Variants in CD8A observed in about 807,000 individuals in gnomAD.
CD8A encodes the protein T-cell surface glycoprotein CD8 alpha chain.
CD8A carries 25 observed loss-of-function variants against 24.2 expected under a neutral mutation model. The ratio of observed to expected loss-of-function variants is 1.03; its 90% CI spans 0.75 to 1.44. CD8A has a LOEUF of 1.44. Among genes scored for constraint, CD8A ranks in the 40% most tolerant of loss-of-function variants. The pLI is 0.00. For missense variants in CD8A, 360 were observed against 319.7 expected, an observed-to-expected ratio of 1.13 and a Z score of -0.96; for synonymous variants, 165 against 149.9, an observed-to-expected ratio of 1.10 and a Z score of -0.74.
rs1673255983 is a variant in CD8A, at chr2:86,790,693, A to G, written c.50-12T>C. ...CGGCCTGGCGGCGTCTGCAGGCGGCAAGCAGCGAGGCTGAGCCCGCAGTCC... is the reference window on the plus strand; with the variant it reads ...CGGCCTGGCGGCGTCTGCAGGCGGCGAGCAGCGAGGCTGAGCCCGCAGTCC... On this transcript the variant is annotated splice_polypyrimidine_tract_variant and intron_variant, in intron 1 of 5. Coordinates refer to ENST00000283635, the MANE Select transcript of CD8A (RefSeq NM_001768.7). 6.3e-7 allele frequency: 1 copy of G among 1,594,010 alleles called. No homozygotes were observed. The highest frequency in any genetic ancestry group is 1.7e-5 in the Admixed American group (1 of 59,586).
intron 5 of CD8A, 70 bp downstream of exon 5, chr2:86,788,460 C>T: frequency 7.9e-7 from 1 of 1,272,232 alleles, no homozygotes; most frequent in Non-Finnish European, 1.1e-6. Context: ...CCACTATTTG[C>T]TGCTGGGGAA....
chr2:86,791,391 ACCCT>A (rs3842490), upstream of CD8A: 223 of 398,414 alleles, frequency 5.6e-4, 2 homozygotes, highest in East Asian at 0.015. Flanking sequence ...CCGAGGAAGG[ACCCT>A]CTCCCTTCCC....
upstream of CD8A, among the ~76,000 whole-genome samples, chr2:86,795,125 A>G (rs1305133290): frequency 1.3e-5 from 2 of 152,116 alleles, no homozygotes; most frequent in East Asian, 1.9e-4. Context: ...CAGCTTGACA[A>G]CCAAACCCTT....
Position 86,790,672 on chromosome 2 carries a change from C to T in CD8A, c.59G>A (p.Arg20Lys). Residue 20 changes from arginine to lysine, a missense_variant, in exon 2 of 6, where the codon AGG (arginine) becomes AAG (lysine). Transcript: ENST00000283635. ...CGGCGACACCCGGAACTGGCTCGGC[C>T]TGGCGGCGTCTGCAGGCGGCAAGCA... Reference protein sequence around the residue: ...LPLALLLHAARPSQFRVSPLD... With the variant: ...LPLALLLHAAKPSQFRVSPLD... The T allele has an allele frequency of 6.3e-7, 1 of 1,597,330 alleles. No homozygotes were observed.
In CD8A at chr2:86,788,543, AAACACGTCT is replaced by A. The variant is rs1187265908; in HGVS notation, c.634_642del (p.Arg212_Val214del). The A allele has an allele frequency of 1.2e-6, 2 of 1,613,554 alleles. No homozygotes were observed. The highest frequency in any genetic ancestry group is 1.7e-6 in the Non-Finnish European group (2 of 1,179,696). On this transcript the variant is annotated inframe_deletion, in exon 5 of 6. Transcript: ENST00000283635. ...AAAGAGACTCACCGGGGACATTTGC[AAACACGTCT>A]TCGGTTCCCTGGATAAGGAAAAAGA...
In CD8A at chr2:86,800,445, G is replaced by GAAA. The variant is rs753432338; in HGVS notation, c.-271+1063_-271+1065dup. Among the ~76,000 whole-genome samples, 31 of 80,698 alleles carry GAAA rather than the reference G, an allele frequency of 3.8e-4. 1 individual carries two copies. The highest frequency in any genetic ancestry group is 1.4e-3 in the African/African-American group (31 of 21,570). 52.9% of individuals were successfully genotyped at this position (80,698 alleles called of 152,430 possible). ...CCACTGCACTCCAGCCTGGGCGACA[G>GAAA]AAAAAAAAAAAAAGAAAGAAAAAAA... On this transcript the variant is annotated intron_variant, in intron 3 of 8. Transcript: ENST00000409511.
At chr2:86,794,245 C>G (rs776119552), upstream of CD8A, among the ~76,000 whole-genome samples, 1 of 152,146 alleles carries the variant, frequency 6.6e-6, no homozygotes, top group Non-Finnish European at 1.5e-5. Context: ...AGATAGTAAC[C>G]AGTTTCTATG....
intron 4 of CD8A, among the ~76,000 whole-genome samples, chr2:86,789,045 T>C (rs1201434863): frequency 1.3e-5 from 2 of 152,128 alleles, no homozygotes; most frequent in Admixed American, 6.5e-5. Context: ...TGTCCAGACA[T>C]GTGCGCGCGC....
intron 5 of CD8A, 88 bp downstream of exon 5, chr2:86,788,442 A>C: frequency 1.8e-6 from 2 of 1,086,140 alleles, no homozygotes; most frequent in Admixed American, 1.9e-5. Flanking sequence ...TCTCTCTGGG[A>C]AAAGTTCCCA....
At position 86,785,686 on chromosome 2, in the gene CD8A, G is replaced by A. The variant is rs1181972446; in HGVS notation, c.*234C>T. 5.8e-6 allele frequency: 4 copies of A among 689,038 alleles called. No individual in the cohort carries two copies. The highest frequency in any genetic ancestry group is 1.1e-5 in the Non-Finnish European group (4 of 376,948). 42.7% of individuals were successfully genotyped at this position (689,038 alleles called of 1,614,324 possible). On this transcript the variant is annotated 3_prime_UTR_variant, in exon 6 of 6. Coordinates refer to ENST00000283635, the MANE Select transcript of CD8A (RefSeq NM_001768.7). The stretch of plus-strand genomic sequence containing the variant: ...GGCCTGCCCCTTTCCACGCCCTACC[G>A]CGATGTGCGCACAACAGTATTGTGA...
At chr2:86,787,036 A>AAAAAAAAG (rs1375316030) in intron 5 of CD8A, among the ~76,000 whole-genome samples, 37 of 141,124 alleles carry the variant, frequency 2.6e-4, no homozygotes, top group Non-Finnish European at 4.9e-4. Flanking sequence ...AAAAAAAAAA[A>AAAAAAAAG]AAAAGAAAAG....
At position 86,785,841 on chromosome 2, in the gene CD8A, GA is replaced by G; in HGVS notation, c.*78del. ...AATGAATACACAGGGAGGAAGACTG[GA>G]AAAAATGAAAGGGAAGGACTTGCTC... On this transcript the variant is annotated 3_prime_UTR_variant, in exon 6 of 6. Coordinates refer to ENST00000283635, the MANE Select transcript of CD8A (RefSeq NM_001768.7). The G allele has an allele frequency of 3.8e-6, 4 of 1,049,092 alleles. No individual in the cohort carries two copies. The highest frequency in any genetic ancestry group is 2.4e-5 in the East Asian group (1 of 42,370). 65.0% of individuals were successfully genotyped at this position (1,049,092 alleles called of 1,614,324 possible). A position where few individuals can be genotyped will look rare whatever the true frequency, so the allele number is the denominator to read the frequency against.
At chr2:86,789,260 G>C in intron 4 of CD8A, 63 bp downstream of exon 4, 3 of 1,087,358 alleles carry the variant, frequency 2.8e-6, no homozygotes, top group Non-Finnish European at 4.3e-6. Context: ...TCCGCCTGGA[G>C]CTAGCAGAGC....
In CD8A at chr2:86,789,660, C is replaced by G. The variant is rs924437954; in HGVS notation, c.494G>C (p.Arg165Pro). ...QPLSLRPEAC[R>P]PAAGGAVHTR... Reference sequence around the variant, plus strand: ...CTCACCTGCGCCCCCCGCCGCTGGCCGGCACGCCTCTGGGCGCAGGGACAG... The same window carrying G: ...CTCACCTGCGCCCCCCGCCGCTGGCGGGCACGCCTCTGGGCGCAGGGACAG... The change falls in exon 3 of 6, where the codon CGG becomes CCG. Residue 165 changes from arginine to proline, a missense_variant. By Grantham distance (103) the Arg-to-Pro change is moderately radical. Transcript: ENST00000283635. The G allele has an allele frequency of 6.1e-6, 9 of 1,482,346 alleles. No homozygotes were observed. The highest frequency in any genetic ancestry group is 3.6e-4 in the Middle Eastern group (2 of 5,534). 91.8% of individuals were successfully genotyped at this position (1,482,346 alleles called of 1,614,324 possible).
At chr2:86,789,903 C>G (rs1409791914) in intron 2 of CD8A, among the ~76,000 whole-genome samples, 153 bp from the exon 3 acceptor site, 1 of 152,196 alleles carries the variant, frequency 6.6e-6, no homozygotes, top group African/African-American at 2.4e-5. Flanking sequence ...CCCCGGGATG[C>G]GCGCGGACCC....
Position 86,785,578 on chromosome 2 carries a change from T to C in CD8A, c.*342A>G, listed in dbSNP as rs1489473715. On this transcript the variant is annotated 3_prime_UTR_variant, in exon 6 of 6. Coordinates refer to ENST00000283635, the MANE Select transcript of CD8A (RefSeq NM_001768.7). ...CTCTGGGCTTTAGCCTCCCCCTTTG[T>C]AAAACGGGCGGGGAAGAGGTTGAGA... is the stretch of plus-strand genomic sequence containing the variant. The C allele has an allele frequency of 3.8e-6, 2 of 526,204 alleles. No homozygotes were observed. Among genetic ancestry groups the C allele is most frequent in the Admixed American group, 4.5e-5 (2 of 44,634 alleles). The allele number at this position is 526,204 out of a possible 1,614,324, so 32.6% of individuals were successfully genotyped here.
At chr2:86,807,626 G>A (rs1410090734) in exon 2 of CD8A, 1 of 152,556 alleles carries the variant, frequency 6.6e-6, no homozygotes, top group South Asian at 2.1e-4. Context: ...GAGGACAGAT[G>A]AGGGAACACG....
intron 2 of CD8A, among the ~76,000 whole-genome samples, chr2:86,804,915 A>G (rs1413448092): frequency 7.0e-6 from 1 of 142,194 alleles, no homozygotes; most frequent in Non-Finnish European, 1.5e-5. Flanking sequence ...TGATTTTCCT[A>G]CTTCAGCTTC....
At chr2:86,805,377 C>G (rs936790817) in intron 2 of CD8A, among the ~76,000 whole-genome samples, 6 of 152,100 alleles carry the variant, frequency 3.9e-5, no homozygotes, top group Admixed American at 3.9e-4. Flanking sequence ...ATGACTGATT[C>G]GAAAGATGTG....
Sources: gnomAD v4.1 joint callset for allele counts (sites outside exome capture counted in the v4.1 genomes callset) on GRCh38, gnomAD v4.1.1 for gene constraint, MANE v1.5 for transcripts, NCBI Gene and HGNC (gene_info 2026-07-23, HGNC 2026-07-21) for gene names.